The following ADCY1 variants were observed in gnomAD, a reference collection of about 807,000 sequenced individuals.
ADCY1 encodes adenylate cyclase type 1.
In ADCY1, 28 loss-of-function variants were observed where a neutral mutation model predicts 105.4. The ratio of observed to expected loss-of-function variants is 0.27; its 90% CI spans 0.20 to 0.36. The LOEUF is 0.36. Ranked by LOEUF, ADCY1 falls within the 10% of genes least tolerant of loss-of-function variation. The probability of loss-of-function intolerance (pLI) is 1.00; values close to 1 mark genes in which losing one functional copy is unlikely to be tolerated. For missense variants in ADCY1, 977 were observed against 1,434.2 expected, an observed-to-expected ratio of 0.68 and a Z score of 5.15; for synonymous variants, 655 against 623.8, an observed-to-expected ratio of 1.05 and a Z score of -0.75.
At chr7:45,673,964 C>CATATATATATATATAT (rs58025464) in intron 8 of ADCY1, among the ~76,000 whole-genome samples, 2 of 115,158 alleles carry the variant, frequency 1.7e-5, no homozygotes, top group African/African-American at 4.0e-5. Flanking sequence ...TTCAGATGAG[C>CATATATATATATATAT]ATATATATAT....
intron 1 of ADCY1, among the ~76,000 whole-genome samples, chr7:45,578,754 CAT>C (rs1478121067): frequency 2.0e-5 from 3 of 152,214 alleles, no homozygotes; most frequent in Admixed American, 6.5e-5. Context: ...GGGTGCAGCA[CAT>C]GTGTGCAAGA....
At chr7:45,612,286 T>A (rs1334652526) in intron 3 of ADCY1, among the ~76,000 whole-genome samples, 2 of 152,228 alleles carry the variant, frequency 1.3e-5, no homozygotes, top group Non-Finnish European at 2.9e-5. Context: ...CTGTTTAATA[T>A]CATCATGCTT....
At chr7:45,617,371 C>G (rs1162333292) in intron 3 of ADCY1, among the ~76,000 whole-genome samples, 1 of 152,074 alleles carries the variant, frequency 6.6e-6, no homozygotes, top group African/African-American at 2.4e-5. Context: ...TGGCCTGGGG[C>G]CGAGTTGCAG....
intron 14 of ADCY1, among the ~76,000 whole-genome samples, chr7:45,688,710 A>G (rs1454523377): frequency 1.3e-5 from 2 of 152,140 alleles, no homozygotes; most frequent in East Asian, 3.9e-4. Flanking sequence ...GGTGAAAAAC[A>G]TGGCTTATTT....
chr7:45,704,613 C>G lies in ADCY1; in HGVS notation c.2814C>G (p.Thr938=). 6.2e-7 allele frequency: 1 copy of G among 1,613,714 alleles called. No homozygotes were observed. Among genetic ancestry groups the G allele is most frequent in the Non-Finnish European group, 8.5e-7 (1 of 1,179,762 alleles). ...AAVGLAPTSG[T]KAKKSISSHL... ...TGGGGCTAGCGCCCACCTCGGGGAC[C>G]AAGGTGAGTGCAGCCTGGCGCTGCC... The change falls in exon 17 of 20, where the codon ACC becomes ACG. Residue 938 remains threonine (T), a synonymous_variant. Transcript: ENST00000297323.
chr7:45,689,788 G>C (rs1331073032), intron 14 of ADCY1, among the ~76,000 whole-genome samples: 1 of 152,230 alleles, frequency 6.6e-6, no homozygotes, highest in Non-Finnish European at 1.5e-5. Flanking sequence ...GGGTTTGAGA[G>C]GAAGCAAAGC....
chr7:45,634,076 T>C (rs1794333866), intron 4 of ADCY1, among the ~76,000 whole-genome samples: 1 of 152,128 alleles, frequency 6.6e-6, no homozygotes, highest in Admixed American at 6.5e-5. Context: ...ACAATTGAGT[T>C]TTTGTATTGA....
chr7:45,641,867 A>C (rs931650939), intron 4 of ADCY1, among the ~76,000 whole-genome samples: 9 of 129,788 alleles, frequency 6.9e-5, no homozygotes, highest in African/African-American at 2.6e-4. Flanking sequence ...CGGAGCTTGC[A>C]GTGAGCCGAG....
Position 45,657,823 on chromosome 7 carries a change from G to A in ADCY1, c.1245G>A (p.Gln415=). ...LCGVLGLRKW[Q]YDVWSNDVTL... is the part of the protein sequence containing the mutation. ...GTGTCCTGGGCTTGCGCAAGTGGCA[G>A]TACGACGTGTGGTCCAATGATGTGA... Residue 415 remains glutamine, a synonymous_variant, in exon 6 of 20, where the codon CAG becomes CAA. Coordinates refer to ENST00000297323, the MANE Select transcript of ADCY1 (RefSeq NM_021116.4). 1.3e-6 allele frequency: 2 copies of A among 1,570,706 alleles called. No homozygotes were observed. The highest frequency in any genetic ancestry group is 1.7e-6 in the Non-Finnish European group (2 of 1,151,846).
intron 8 of ADCY1, among the ~76,000 whole-genome samples, chr7:45,669,081 G>T (rs1486850644): frequency 3.3e-5 from 5 of 152,114 alleles, no homozygotes; most frequent in Non-Finnish European, 7.4e-5. Context: ...CAAAAAAACA[G>T]CTCCTGGATT....
chr7:45,717,454 C>G lies in ADCY1; in HGVS notation c.*3459C>G, dbSNP rs1241345704. The G allele has an allele frequency of 1.3e-5, 2 of 152,536 alleles. No homozygotes were observed. The highest frequency in any genetic ancestry group is 4.8e-5 in the African/African-American group (2 of 41,416). The allele number at this position is 152,536 out of a possible 1,614,324, so 9.4% of individuals were successfully genotyped here. ...TGCCTTATTTATTTTTAATCATGTACAATATTCATGTACAAATGTTAGAGC... is the reference window on the plus strand; with the variant it reads ...TGCCTTATTTATTTTTAATCATGTAGAATATTCATGTACAAATGTTAGAGC... On this transcript the variant is annotated 3_prime_UTR_variant, in exon 20 of 20. Coordinates refer to ENST00000297323, the MANE Select transcript of ADCY1 (RefSeq NM_021116.4).
At chr7:45,604,028 T>A (rs1793314146) in intron 2 of ADCY1, among the ~76,000 whole-genome samples, 1 of 152,160 alleles carries the variant, frequency 6.6e-6, no homozygotes, top group Admixed American at 6.5e-5. Context: ...CATGCACAGG[T>A]TTTTGTGTGA....
At chr7:45,705,314 A>G (rs1279951777) in intron 17 of ADCY1, among the ~76,000 whole-genome samples, 1 of 152,258 alleles carries the variant, frequency 6.6e-6, no homozygotes, top group Non-Finnish European at 1.5e-5. Context: ...ATAGATGTAT[A>G]AACCCCCAAC....
chr7:45,721,166 T>G lies in ADCY1; in HGVS notation c.*7171T>G, dbSNP rs1271081834. Reference sequence around the variant, plus strand: ...TGGGTTCTGAATGCAGCCAAGGCTGTCCCCGCAATGGGTGAGACTCGCTCC... The same window carrying G: ...TGGGTTCTGAATGCAGCCAAGGCTGGCCCCGCAATGGGTGAGACTCGCTCC... On this transcript the variant is annotated 3_prime_UTR_variant, in exon 20 of 20. Transcript: ENST00000297323. The G allele has an allele frequency of 6.6e-6, 1 of 152,212 alleles. No homozygotes were observed. Among genetic ancestry groups the G allele is most frequent in the Non-Finnish European group, 1.5e-5 (1 of 68,060 alleles). 9.4% of individuals were successfully genotyped at this position (152,212 alleles called of 1,614,324 possible). A position where few individuals can be genotyped will look rare whatever the true frequency, so the allele number is the denominator to read the frequency against.
At chr7:45,711,353 G>A (rs1785226696) in intron 19 of ADCY1, among the ~76,000 whole-genome samples, 1 of 152,072 alleles carries the variant, frequency 6.6e-6, no homozygotes, top group Non-Finnish European at 1.5e-5. Context: ...CGTGACAGCA[G>A]CTATTCACGG....
At chr7:45,595,278 G>C (rs1272171571) in intron 2 of ADCY1, among the ~76,000 whole-genome samples, 1 of 152,198 alleles carries the variant, frequency 6.6e-6, no homozygotes, top group African/African-American at 2.4e-5. Context: ...AGATTACCAG[G>C]CCTCACCCAG....
At position 45,708,151 on chromosome 7, in the gene ADCY1, C is replaced by T. The variant is rs1785158526; in HGVS notation, c.2818-199C>T. 6.6e-6 allele frequency among the ~76,000 whole-genome samples: 1 copy of T among 152,226 alleles called. No individual in the cohort carries two copies. The highest frequency in any genetic ancestry group is 6.5e-5 in the Admixed American group (1 of 15,282). On this transcript the variant is annotated intron_variant, in intron 17 of 19. Transcript: ENST00000297323. The surrounding 1 kb of genome is among the most constrained non-coding windows in gnomAD (Gnocchi z 4.7). ...TTGGGTGGGCCCTGTCTCTGCCCCT[C>T]AGGAGCCCCTGGGGCTTGGCCAATA...
intron 2 of ADCY1, among the ~76,000 whole-genome samples, chr7:45,602,920 A>G (rs756578798): frequency 1.3e-5 from 2 of 152,180 alleles, no homozygotes; most frequent in Non-Finnish European, 2.9e-5. Flanking sequence ...TTATCCCCCA[A>G]AGACACCTCA....
At chr7:45,689,287 C>T (rs1433826698) in intron 14 of ADCY1, among the ~76,000 whole-genome samples, 1 of 152,072 alleles carries the variant, frequency 6.6e-6, no homozygotes, top group Non-Finnish European at 1.5e-5. Context: ...ATAAATACAT[C>T]TGCATTAAGC....
Sources: gnomAD v4.1 joint callset for allele counts (sites outside exome capture counted in the v4.1 genomes callset) on GRCh38, gnomAD v4.1.1 for gene constraint, Gnocchi (gnomAD v3.1) non-coding constraint, MANE v1.5 for transcripts, NCBI Gene and HGNC (gene_info 2026-07-23, HGNC 2026-07-21) for gene names.